PRKCB: variants seen among roughly 807,000 people sequenced by gnomAD.
PRKCB encodes the protein protein kinase C beta type.
PRKCB carries 13 observed loss-of-function variants against 81.5 expected under a neutral mutation model. That is an observed-to-expected ratio of 0.16 (90% CI 0.10 to 0.25). The LOEUF is 0.25. PRKCB is among the 10% of genes least tolerant of loss of function. PRKCB has a pLI of 1.00. For synonymous variants in PRKCB, 335 were observed against 321.4 expected (o/e 1.04, Z -0.45); for missense variants, 509 against 875.7 (o/e 0.58, Z 5.29).
At chr16:23,997,625 T>C (rs1364702207) in intron 3 of PRKCB, among the ~76,000 whole-genome samples, 2 of 152,250 alleles carry the variant, frequency 1.3e-5, no homozygotes, top group Admixed American at 1.3e-4. Flanking sequence ...CTTTGTTTTC[T>C]TTGCTCTTTT....
At chr16:23,977,096 T>G (rs2141809076) in intron 2 of PRKCB, among the ~76,000 whole-genome samples, 1 of 152,304 alleles carries the variant, frequency 6.6e-6, no homozygotes, top group South Asian at 2.1e-4. Flanking sequence ...CAAATGAAGT[T>G]TGCTATCTCT....
intron 16 of PRKCB, among the ~76,000 whole-genome samples, chr16:24,193,028 T>C (rs1967817735): frequency 6.6e-6 from 1 of 152,042 alleles, no homozygotes; most frequent in South Asian, 2.1e-4. Flanking sequence ...AGCGCGATCA[T>C]AGCTTACTGC....
At chr16:24,103,644 T>G (rs914489624) in intron 7 of PRKCB, among the ~76,000 whole-genome samples, 8 of 152,222 alleles carry the variant, frequency 5.3e-5, no homozygotes, top group African/African-American at 1.9e-4. Context: ...GGGGTATGAA[T>G]GATTCCGTCA....
chr16:24,120,155 T>C (rs1178187033), intron 8 of PRKCB, among the ~76,000 whole-genome samples: 1 of 152,078 alleles, frequency 6.6e-6, no homozygotes, highest in Non-Finnish European at 1.5e-5. Flanking sequence ...AAAACTGACC[T>C]ATGGGATAGA....
intron 2 of PRKCB, among the ~76,000 whole-genome samples, chr16:23,847,360 CTAT>C (rs1567288247): frequency 1.9e-4 from 8 of 43,062 alleles, no homozygotes; most frequent in South Asian, 1.1e-3. Context: ...ATCTATCTAT[CTAT>C]CTATCTATCT....
chr16:23,867,090 CTCTT>C (rs968278479), intron 2 of PRKCB, among the ~76,000 whole-genome samples: 34 of 143,420 alleles, frequency 2.4e-4, no homozygotes, highest in Middle Eastern at 3.7e-3. Context: ...TTCTTTCTTT[CTCTT>C]TCTTTCTTTC....
Position 24,035,522 on chromosome 16 carries a change from C to G in PRKCB, c.504C>G (p.Ile168Met). The change falls in exon 5 of 17, where the codon ATC becomes ATG. Residue 168 changes from isoleucine to methionine, a missense_variant. By Grantham distance (10) the Ile-to-Met change is conservative. Around this residue, in one of 6 missense-constraint regions of PRKCB, gnomAD observed 184 missense variants for 362.9 expected, o/e 0.51. Coordinates refer to ENST00000643927, the MANE Select transcript of PRKCB (RefSeq NM_002738.7). ...GCCGCATCTACATCCAGGCCCACAT[C>G]GACAGGGACGTCCTCATTGTCCTCG... ...RRGRIYIQAH[I>M]DRDVLIVLVR... 13 of 1,614,054 alleles carry G rather than the reference C, an allele frequency of 8.1e-6. No individual in the cohort carries two copies. The highest frequency in any genetic ancestry group is 1.0e-5 in the Non-Finnish European group (12 of 1,179,984).
chr16:23,838,484 CTT>C (rs1283659071), intron 2 of PRKCB, among the ~76,000 whole-genome samples: 3 of 152,144 alleles, frequency 2.0e-5, no homozygotes, highest in Middle Eastern at 3.2e-3. Context: ...ATTTTTCACT[CTT>C]GGGCTTGGTA....
At chr16:24,013,670 C>G (rs747599158) in intron 3 of PRKCB, among the ~76,000 whole-genome samples, 23 of 151,956 alleles carry the variant, frequency 1.5e-4, no homozygotes, top group Admixed American at 3.3e-4. Flanking sequence ...TTTGATCACT[C>G]CACACCTAGG....
chr16:23,986,250 A>G (rs1964802981), intron 2 of PRKCB, among the ~76,000 whole-genome samples: 1 of 151,934 alleles, frequency 6.6e-6, no homozygotes, highest in Non-Finnish European at 1.5e-5. Flanking sequence ...TTATATTTTT[A>G]TTTATTTATG....
intron 2 of PRKCB, among the ~76,000 whole-genome samples, chr16:23,886,085 GA>G (rs1374248507): frequency 6.6e-6 from 1 of 152,196 alleles, no homozygotes; most frequent in Non-Finnish European, 1.5e-5. Context: ...TGTAGAAACT[GA>G]GGTCCTAAGA....
chr16:24,166,926 G>T lies in PRKCB; in HGVS notation c.1240-5344G>T, dbSNP rs187697960. On this transcript the variant is annotated intron_variant, in intron 10 of 16. Transcript: ENST00000643927. ...ACAAAACACGACCTTACCTACAGTG[G>T]AGCGATCCCCTGATGTGGGGATTCC... is the stretch of plus-strand genomic sequence containing the variant. Among the ~76,000 whole-genome samples the T allele has an allele frequency of 5.1e-3, 769 of 152,142 alleles. 7 individuals carry two copies. The highest frequency in any genetic ancestry group is 8.9e-3 in the Non-Finnish European group (606 of 68,000).
At chr16:23,952,576 T>A (rs1433434734) in intron 2 of PRKCB, among the ~76,000 whole-genome samples, 1 of 152,132 alleles carries the variant, frequency 6.6e-6, no homozygotes, top group Non-Finnish European at 1.5e-5. Flanking sequence ...GAGGCGCTCT[T>A]GTGAGCGGAG....
intron 9 of PRKCB, among the ~76,000 whole-genome samples, chr16:24,145,835 A>G (rs1357219357): frequency 6.6e-6 from 1 of 152,224 alleles, no homozygotes; most frequent in Non-Finnish European, 1.5e-5. Flanking sequence ...GTTTGGTGAA[A>G]AGATGATGTT....
chr16:23,862,426 G>A (rs569876216), intron 2 of PRKCB, among the ~76,000 whole-genome samples: 19 of 152,078 alleles, frequency 1.2e-4, no homozygotes, highest in Non-Finnish European at 2.1e-4. Flanking sequence ...CCTGAAACCT[G>A]TCCTCTGGTT....
intron 2 of PRKCB, among the ~76,000 whole-genome samples, chr16:23,951,694 A>G (rs2141779495): frequency 6.6e-6 from 1 of 150,810 alleles, no homozygotes; most frequent in South Asian, 2.1e-4. Flanking sequence ...CTGAGATTAC[A>G]GGCATGAGCC....
Position 24,216,878 on chromosome 16 carries a change from G to C in PRKCB, c.*2062G>C, listed in dbSNP as rs1434936536. 1 of 985,342 alleles carries C rather than the reference G, an allele frequency of 1.0e-6. No individual in the cohort carries two copies. The highest frequency in any genetic ancestry group is 1.7e-5 in the African/African-American group (1 of 57,236). 61.0% of individuals were successfully genotyped at this position (985,342 alleles called of 1,614,324 possible). A position where few individuals can be genotyped will look rare whatever the true frequency, so the allele number is the denominator to read the frequency against. The stretch of plus-strand genomic sequence containing the variant: ...GCTGGGATAAAAACCTGGGTGTCCT[G>C]TCCAGAAAGTGCAGGGTGCTTTCTG... On this transcript the variant is annotated 3_prime_UTR_variant, in exon 17 of 17. Coordinates refer to ENST00000643927, the MANE Select transcript of PRKCB (RefSeq NM_002738.7).
intron 2 of PRKCB, among the ~76,000 whole-genome samples, chr16:23,947,735 G>A (rs1006477731): frequency 1.3e-5 from 2 of 152,172 alleles, no homozygotes; most frequent in Non-Finnish European, 2.9e-5. Context: ...GAGAGATGAA[G>A]AATGATTGGG....
Position 24,220,087 on chromosome 16 carries a change from A to G in PRKCB, c.*5271A>G, listed in dbSNP as rs1199371749. On this transcript the variant is annotated 3_prime_UTR_variant, in exon 17 of 17. Coordinates refer to ENST00000643927, the MANE Select transcript of PRKCB (RefSeq NM_002738.7). ...TGAATTTGCTGGCTTCTCTTATACTAACCCAGAGTTTGTCATTAATGTGTA... is the reference window on the plus strand; with the variant it reads ...TGAATTTGCTGGCTTCTCTTATACTGACCCAGAGTTTGTCATTAATGTGTA... 6.2e-7 allele frequency: 1 copy of G among 1,614,116 alleles called. No individual in the cohort carries two copies. Among genetic ancestry groups the G allele is most frequent in the South Asian group, 1.1e-5 (1 of 91,070 alleles).
Sources: allele counts gnomAD v4.1 joint callset (sites outside exome capture counted in the v4.1 genomes callset), GRCh38; gene constraint gnomAD v4.1.1; regional missense constraint gnomAD v4.1.1; transcripts MANE v1.5; gene names NCBI Gene and HGNC (gene_info 2026-07-23, HGNC 2026-07-21).